The following TRRAP variants were observed in gnomAD, a reference collection of about 807,000 sequenced individuals.
The protein encoded by TRRAP is transformation/transcription domain-associated protein.
A neutral mutation model predicts 438.8 loss-of-function variants in TRRAP; 41 were observed. That is an observed-to-expected ratio of 0.09 (90% CI 0.07 to 0.12). The LOEUF (loss-of-function observed/expected upper bound fraction) is 0.12, where lower values mean the gene tolerates loss of function less well. Ranked by LOEUF, TRRAP falls within the 10% of genes least tolerant of loss-of-function variation. The pLI is 1.00. For missense variants in TRRAP, 3,122 were observed against 5,055.1 expected (o/e 0.62, Z 11.60); for synonymous variants, 1,994 against 1,962.9 (o/e 1.02, Z -0.42).
chr7:98,969,981 A>G, intron 51 of TRRAP, 131 bp from the exon 52 acceptor site: 1 of 1,064,324 alleles, frequency 9.4e-7, no homozygotes, highest in Non-Finnish European at 1.4e-6. Flanking sequence ...CAGGTGGGAA[A>G]GGGTGCTGAG....
At chr7:98,941,491 A>G (rs1441803906) in intron 30 of TRRAP, among the ~76,000 whole-genome samples, 1 of 152,102 alleles carries the variant, frequency 6.6e-6, no homozygotes, top group Non-Finnish European at 1.5e-5. Context: ...TGGCTTGAAT[A>G]TTTCCTCATC....
intron 67 of TRRAP, among the ~76,000 whole-genome samples, chr7:99,000,261 G>A (rs1035799938): frequency 5.9e-5 from 9 of 152,058 alleles, no homozygotes; most frequent in African/African-American, 1.9e-4. Context: ...CACCCACTTC[G>A]ACCTCCCAAA....
intron 30 of TRRAP, 35 bp from the exon 31 acceptor site, chr7:98,942,914 G>C: frequency 6.2e-7 from 1 of 1,613,120 alleles, no homozygotes; most frequent in Non-Finnish European, 8.5e-7. Flanking sequence ...TGCACCTACT[G>C]TGAAGTTGTG....
At chr7:98,899,346 T>A (rs1796368080) in intron 8 of TRRAP, 76 bp from the exon 9 acceptor site, 1 of 1,198,688 alleles carries the variant, frequency 8.3e-7, no homozygotes, top group Admixed American at 1.8e-5. Context: ...CAGTGGGTGA[T>A]GCTCAGTGGG....
At chr7:98,935,433 T>C (rs1790516146) in intron 27 of TRRAP, 146 bp from the exon 28 acceptor site, 2 of 617,046 alleles carry the variant, frequency 3.2e-6, no homozygotes, top group African/African-American at 1.8e-5. Context: ...CATACTTTGA[T>C]ACTTAAAATC....
At chr7:98,880,313 G>T (rs1371567537) in intron 1 of TRRAP, among the ~76,000 whole-genome samples, 1 of 146,766 alleles carries the variant, frequency 6.8e-6, no homozygotes, top group African/African-American at 2.5e-5. Flanking sequence ...GCCCAGGATG[G>T]AGTGCAGTGG....
chr7:98,909,923 C>G, intron 14 of TRRAP, 133 bp from the exon 15 acceptor site: 1 of 1,427,502 alleles, frequency 7.0e-7, no homozygotes, highest in Non-Finnish European at 9.1e-7. Flanking sequence ...CCTTTGACAC[C>G]AACCTCATAG....
Position 98,994,212 on chromosome 7 carries a change from T to G in TRRAP, c.10048-375T>G, listed in dbSNP as rs1793546165. On this transcript the variant is annotated intron_variant, in intron 66 of 72. Coordinates refer to ENST00000456197, the MANE Select transcript of TRRAP (RefSeq NM_001375524.1). The surrounding 1 kb of genome is among the most constrained non-coding windows in gnomAD (Gnocchi z 4.8). ...CTGGTTGAGCCCCGGGGCCAGCTCC[T>G]TACTGCTGTGAAGTCTCGTGTGTGC... Among the ~76,000 whole-genome samples the G allele has an allele frequency of 6.6e-6, 1 of 152,216 alleles. No homozygotes were observed. Among genetic ancestry groups the G allele is most frequent in the Non-Finnish European group, 1.5e-5 (1 of 68,038 alleles).
At chr7:98,985,082 C>A (rs751133278) in intron 62 of TRRAP, 38 bp downstream of exon 62, 11 of 1,393,960 alleles carry the variant, frequency 7.9e-6, no homozygotes, top group Non-Finnish European at 1.1e-5. Flanking sequence ...AGAAAAAATG[C>A]ATCAGATTAT....
At chr7:98,973,689 G>C (rs901115472) in intron 53 of TRRAP, among the ~76,000 whole-genome samples, 1 of 152,174 alleles carries the variant, frequency 6.6e-6, no homozygotes, top group Non-Finnish European at 1.5e-5. Context: ...GGGCCCATCT[G>C]TGTCACCCTT....
chr7:98,941,760 T>C (rs1184211681), intron 30 of TRRAP, among the ~76,000 whole-genome samples: 1 of 152,208 alleles, frequency 6.6e-6, no homozygotes, highest in Non-Finnish European at 1.5e-5. Context: ...TCAATGCCAG[T>C]GTTCCCTGGA....
At chr7:98,906,415 T>G (rs1183237214) in intron 13 of TRRAP, among the ~76,000 whole-genome samples, 160 bp downstream of exon 13, 1 of 29,816 alleles carries the variant, frequency 3.4e-5, no homozygotes, top group Non-Finnish European at 1.5e-4. Context: ...TATTTATTTA[T>G]TTATTTATTT....
intron 16 of TRRAP, 105 bp from the exon 17 acceptor site, chr7:98,910,972 T>G: frequency 1.1e-6 from 1 of 932,850 alleles, no homozygotes; most frequent in Non-Finnish European, 1.5e-6. Flanking sequence ...GTTATCTAAT[T>G]TAAGTGCTCT....
chr7:98,974,198 G>A (rs939523287), intron 53 of TRRAP, among the ~76,000 whole-genome samples: 8 of 152,164 alleles, frequency 5.3e-5, no homozygotes, highest in African/African-American at 1.7e-4. Context: ...GGGTGGTGTC[G>A]TGTTATTTCA....
intron 67 of TRRAP, among the ~76,000 whole-genome samples, chr7:98,995,539 A>G (rs1793612936): frequency 6.6e-6 from 1 of 152,028 alleles, no homozygotes; most frequent in Non-Finnish European, 1.5e-5. Context: ...CTAGGCTCAC[A>G]GCTTAACTCC....
chr7:98,916,409 T>C (rs1337234353), intron 19 of TRRAP, among the ~76,000 whole-genome samples: 1 of 152,216 alleles, frequency 6.6e-6, no homozygotes. Flanking sequence ...TCTGGGTTCA[T>C]TGAATGCTTT....
chr7:98,915,424 T>G (rs1789478173), intron 18 of TRRAP, among the ~76,000 whole-genome samples: 1 of 152,208 alleles, frequency 6.6e-6, no homozygotes, highest in Admixed American at 6.5e-5. Context: ...ACTCCTAATC[T>G]GAGGTAATCT....
chr7:98,951,683 T>C (rs1554418283), intron 39 of TRRAP, among the ~76,000 whole-genome samples: 1 of 152,230 alleles, frequency 6.6e-6, no homozygotes, highest in African/African-American at 2.4e-5. Context: ...GGTTTTCTTA[T>C]CCATTTTGTC....
intron 1 of TRRAP, among the ~76,000 whole-genome samples, chr7:98,880,450 GA>G (rs1795376926): frequency 6.6e-6 from 1 of 151,998 alleles, no homozygotes; most frequent in African/African-American, 2.4e-5. Flanking sequence ...TTTTAGTAGA[GA>G]TGGGGTTTCA....
Sources: allele counts gnomAD v4.1 joint callset (sites outside exome capture counted in the v4.1 genomes callset), GRCh38; gene constraint gnomAD v4.1.1; non-coding constraint Gnocchi (gnomAD v3.1); transcripts MANE v1.5; gene names NCBI Gene and HGNC (gene_info 2026-07-23, HGNC 2026-07-21).